The following UNC5D variants were observed in gnomAD, a reference collection of about 807,000 sequenced individuals.
UNC5D encodes netrin receptor UNC5D.
In UNC5D, 39 loss-of-function variants were observed where a neutral mutation model predicts 105.4. The ratio of observed to expected loss-of-function variants is 0.37; its 90% CI spans 0.29 to 0.48. The LOEUF (loss-of-function observed/expected upper bound fraction) is 0.48. UNC5D is among the 20% of genes least tolerant of loss of function. The pLI is 0.98. For missense variants in UNC5D, 991 were observed against 1,202.4 expected (o/e 0.82, Z 2.60); for synonymous variants, 452 against 450.4 (o/e 1.00, Z -0.04).
intron 4 of UNC5D, among the ~76,000 whole-genome samples, chr8:35,635,004 G>A (rs189839267): frequency 8.5e-5 from 13 of 152,162 alleles, no homozygotes; most frequent in Non-Finnish European, 1.6e-4. Flanking sequence ...GACCTCAGGC[G>A]ATCCACCCGC....
rs947504980 is a variant in UNC5D at position 35,339,565 on chromosome 8, C to T, written c.103+103678C>T. On this transcript the variant is annotated intron_variant, in intron 1 of 16. Coordinates refer to ENST00000404895, the MANE Select transcript of UNC5D (RefSeq NM_080872.4). Reference sequence around the variant, plus strand: ...GAATTAAAAATAGAATATACAGAGGCGTGGAAACACGGATGTGTGTTGAGC... The same window carrying T: ...GAATTAAAAATAGAATATACAGAGGTGTGGAAACACGGATGTGTGTTGAGC... Among the ~76,000 whole-genome samples, 8 of 152,298 alleles carry T rather than the reference C, an allele frequency of 5.3e-5. No homozygotes were observed. The South Asian group carries it at 8.3e-4, about 16-fold the overall frequency.
chr8:35,646,845 T>C (rs1395442340), intron 4 of UNC5D, among the ~76,000 whole-genome samples: 7 of 152,180 alleles, frequency 4.6e-5, no homozygotes, highest in Non-Finnish European at 1.0e-4. Flanking sequence ...TTAATATATT[T>C]AATGTATATT....
intron 1 of UNC5D, among the ~76,000 whole-genome samples, chr8:35,496,668 T>G (rs1402385068): frequency 1.3e-5 from 2 of 152,200 alleles, no homozygotes; most frequent in Non-Finnish European, 2.9e-5. Flanking sequence ...TTCCCACTTT[T>G]AAGTGTACAA....
At position 35,415,256 on chromosome 8, in the gene UNC5D, G is replaced by C. The variant is rs564303986; in HGVS notation, c.104-134036G>C. 4.6e-5 allele frequency among the ~76,000 whole-genome samples: 7 copies of C among 152,102 alleles called. 1 individual carries two copies. Among genetic ancestry groups the C allele is most frequent in the African/African-American group, 1.7e-4 (7 of 41,508 alleles). ...GATGGACTGACAAACCTCAGGATTTGGCTTTATTGTTGTCTGGATACTCAA... is the reference window on the plus strand; with the variant it reads ...GATGGACTGACAAACCTCAGGATTTCGCTTTATTGTTGTCTGGATACTCAA... On this transcript the variant is annotated intron_variant, in intron 1 of 16. Transcript: ENST00000404895.
intron 1 of UNC5D, among the ~76,000 whole-genome samples, chr8:35,512,535 G>GTATATATATATATA (rs71887063): frequency 1.2e-4 from 4 of 33,448 alleles, no homozygotes; most frequent in African/African-American, 8.8e-4. Context: ...ATTCAGATAT[G>GTATATATATATATA]TATGTATATA....
chr8:35,727,872 A>G (rs1176862879), intron 10 of UNC5D: 1 of 151,870 alleles, frequency 6.6e-6, no homozygotes, highest in Non-Finnish European at 1.5e-5. Flanking sequence ...GAATTCATAA[A>G]CTAGACATGT....
chr8:35,371,975 G>A (rs376571613), intron 1 of UNC5D, among the ~76,000 whole-genome samples: 50 of 152,198 alleles, frequency 3.3e-4, no homozygotes, highest in East Asian at 2.9e-3. Flanking sequence ...ACGACATGGC[G>A]GCATCTGCTC....
At chr8:35,306,234 T>C (rs1808407518) in intron 1 of UNC5D, among the ~76,000 whole-genome samples, 1 of 151,952 alleles carries the variant, frequency 6.6e-6, no homozygotes, top group Non-Finnish European at 1.5e-5. Flanking sequence ...TGTGTGCGCG[T>C]GTGTGTGTCC....
At chr8:35,587,965 AATATATATAT>A (rs57681405) in intron 3 of UNC5D, among the ~76,000 whole-genome samples, 1,866 of 105,094 alleles carry the variant, frequency 0.018, 101 homozygotes, top group African/African-American at 0.058. Context: ...TAACTATAAT[AATATATATAT>A]ATATATATAT....
At chr8:35,697,944 C>T (rs1317056780) in intron 7 of UNC5D, among the ~76,000 whole-genome samples, 10 of 152,038 alleles carry the variant, frequency 6.6e-5, no homozygotes. Flanking sequence ...GTCATCATAA[C>T]AAACACTTCC....
intron 16 of UNC5D, among the ~76,000 whole-genome samples, chr8:35,777,593 AAG>A (rs1407882186): frequency 6.6e-6 from 1 of 152,216 alleles, no homozygotes; most frequent in East Asian, 1.9e-4. Context: ...CCAGACAGGA[AAG>A]AGTTTAGGCC....
At chr8:35,592,952 C>A (rs1326462231) in intron 3 of UNC5D, among the ~76,000 whole-genome samples, 1 of 148,970 alleles carries the variant, frequency 6.7e-6, no homozygotes, top group African/African-American at 2.6e-5. Context: ...TTTCTTCTAC[C>A]CAATCTTGCC....
chr8:35,316,541 C>T (rs1384529575), intron 1 of UNC5D, among the ~76,000 whole-genome samples: 1 of 152,132 alleles, frequency 6.6e-6, no homozygotes, highest in African/African-American at 2.4e-5. Flanking sequence ...TATATTTTTA[C>T]AGAAGACTGA....
chr8:35,570,008 A>G (rs1285788154), intron 3 of UNC5D, among the ~76,000 whole-genome samples: 3 of 152,074 alleles, frequency 2.0e-5, no homozygotes, highest in Non-Finnish European at 4.4e-5. Context: ...CTTCTTGCTC[A>G]CTTAATTCTT....
At chr8:35,545,294 C>T (rs754325169) in intron 1 of UNC5D, among the ~76,000 whole-genome samples, 15 of 152,168 alleles carry the variant, frequency 9.9e-5, no homozygotes, top group Non-Finnish European at 1.9e-4. Flanking sequence ...TAAAAGTTTC[C>T]ACTTCAGTTC....
chr8:35,786,217 C>A (rs994464194), intron 16 of UNC5D, among the ~76,000 whole-genome samples: 10 of 152,240 alleles, frequency 6.6e-5, no homozygotes, highest in Non-Finnish European at 1.3e-4. Flanking sequence ...ATATATTCTT[C>A]TATGTATATA....
At chr8:35,719,803 G>A (rs1030595341) in intron 8 of UNC5D, among the ~76,000 whole-genome samples, 10 of 152,142 alleles carry the variant, frequency 6.6e-5, no homozygotes, top group Non-Finnish European at 1.3e-4. Context: ...CGCTTAGCTT[G>A]TAGATCAAGC....
In UNC5D at chr8:35,726,486, T is replaced by C. The variant is rs755802055; in HGVS notation, c.1638T>C (p.Gly546=). 1 of 1,614,010 alleles carries C rather than the reference T, an allele frequency of 6.2e-7. No homozygotes were observed. The highest frequency in any genetic ancestry group is 1.1e-5 in the South Asian group (1 of 91,080). The change falls in exon 10 of 17, where the codon GGT becomes GGC. Residue 546 remains glycine (G), a synonymous_variant. Transcript: ENST00000404895. The part of the protein sequence containing the change: ...LPTRTELRTT[G]VFGHLGGRLV... ...CAAGGACAGAACTGAGGACAACTGGTGTCTTTGGCCATTTAGGGGGGCGCT... is the reference window on the plus strand; with the variant it reads ...CAAGGACAGAACTGAGGACAACTGGCGTCTTTGGCCATTTAGGGGGGCGCT...
intron 15 of UNC5D, among the ~76,000 whole-genome samples, chr8:35,767,735 G>T (rs746472017): frequency 6.6e-6 from 1 of 152,212 alleles, no homozygotes; most frequent in African/African-American, 2.4e-5. Context: ...GGAAGGTAGA[G>T]TTACAAGTAG....
Sources: allele counts gnomAD v4.1 joint callset (sites outside exome capture counted in the v4.1 genomes callset), GRCh38; gene constraint gnomAD v4.1.1; transcripts MANE v1.5; gene names NCBI Gene and HGNC (gene_info 2026-07-23, HGNC 2026-07-21).